RBFOX2: variants seen among roughly 807,000 people sequenced by gnomAD.
The protein encoded by RBFOX2 is RNA binding fox-1 homolog 2.
In RBFOX2, 10 loss-of-function variants were observed where a neutral mutation model predicts 49.1. The ratio of observed to expected loss-of-function variants is 0.20; its 90% CI spans 0.13 to 0.35. The LOEUF is 0.35. RBFOX2 is among the 10% of genes least tolerant of loss of function. The pLI, the probability that RBFOX2 is intolerant of heterozygous loss-of-function variation, is 1.00. For missense variants in RBFOX2, 323 were observed against 486.9 expected, an observed-to-expected ratio of 0.66 and a Z score of 3.17; for synonymous variants, 183 against 187.4, an observed-to-expected ratio of 0.98 and a Z score of 0.19.
chr22:36,021,384 C>T (rs1217944873), intron 1 of RBFOX2, among the ~76,000 whole-genome samples: 3 of 151,930 alleles, frequency 2.0e-5, no homozygotes, highest in African/African-American at 7.2e-5. Flanking sequence ...TACCCTAGAA[C>T]TTGAAGTATA....
chr22:35,983,688 T>A (rs770058090), intron 1 of RBFOX2, among the ~76,000 whole-genome samples: 2 of 152,192 alleles, frequency 1.3e-5, no homozygotes, highest in Non-Finnish European at 2.9e-5. Flanking sequence ...CTGTATCTAA[T>A]TTGTCTCCAG....
At chr22:35,951,283 T>G (rs2054903445) in intron 1 of RBFOX2, among the ~76,000 whole-genome samples, 1 of 131,952 alleles carries the variant, frequency 7.6e-6, no homozygotes, top group African/African-American at 3.0e-5. Flanking sequence ...GTTTTGCTCG[T>G]TGCCCAGGCT....
intron 1 of RBFOX2, among the ~76,000 whole-genome samples, chr22:35,919,766 A>C (rs1458925466): frequency 6.6e-6 from 1 of 152,204 alleles, no homozygotes; most frequent in African/African-American, 2.4e-5. Flanking sequence ...AATTTTAATG[A>C]GGGAACTTTG....
At chr22:35,893,403 C>G (rs578044856) in intron 1 of RBFOX2, among the ~76,000 whole-genome samples, 4 of 152,292 alleles carry the variant, frequency 2.6e-5, no homozygotes, top group African/African-American at 9.6e-5. Context: ...CTGCTTTCAT[C>G]AAACATAAGT....
intron 9 of RBFOX2, among the ~76,000 whole-genome samples, chr22:35,755,314 A>G (rs908274362): frequency 2.6e-5 from 4 of 152,236 alleles, no homozygotes; most frequent in African/African-American, 4.8e-5. Context: ...TTTGTCAATT[A>G]TATCACTTTG....
intron 9 of RBFOX2, among the ~76,000 whole-genome samples, chr22:35,758,629 G>C (rs942886416): frequency 7.2e-5 from 11 of 152,160 alleles, no homozygotes; most frequent in Non-Finnish European, 1.6e-4. Flanking sequence ...ATAAAAGTAA[G>C]TAATGGCATA....
chr22:35,869,898 T>C (rs1430143885), intron 1 of RBFOX2, among the ~76,000 whole-genome samples: 1 of 152,248 alleles, frequency 6.6e-6, no homozygotes, highest in Non-Finnish European at 1.5e-5. Flanking sequence ...GAAACTTTCA[T>C]CAACCCAGAA....
chr22:35,815,000 G>C (rs1952742509), intron 1 of RBFOX2, among the ~76,000 whole-genome samples: 1 of 152,096 alleles, frequency 6.6e-6, no homozygotes, highest in Admixed American at 6.5e-5. Context: ...CGTGGCTATG[G>C]ACAGACAACT....
chr22:35,758,713 C>G (rs900948453), intron 9 of RBFOX2, among the ~76,000 whole-genome samples: 5 of 152,146 alleles, frequency 3.3e-5, no homozygotes, highest in Non-Finnish European at 4.4e-5. Flanking sequence ...TGAAGCAGTT[C>G]CCTTCCAGTG....
At chr22:35,880,278 G>GT (rs1000405727) in intron 1 of RBFOX2, among the ~76,000 whole-genome samples, 23 of 151,944 alleles carry the variant, frequency 1.5e-4, no homozygotes, top group African/African-American at 2.2e-4. Flanking sequence ...GATGACTAAG[G>GT]TTTTTTTTAG....
intron 1 of RBFOX2, among the ~76,000 whole-genome samples, chr22:35,899,185 AAAAAT>A (rs1046658584): frequency 2.0e-5 from 3 of 151,744 alleles, no homozygotes; most frequent in South Asian, 2.1e-4. Flanking sequence ...AACAAACATA[AAAAAT>A]AAAATAAAAT....
chr22:35,819,100 C>T (rs1043670477), intron 1 of RBFOX2, among the ~76,000 whole-genome samples: 1 of 152,150 alleles, frequency 6.6e-6, no homozygotes, highest in Non-Finnish European at 1.5e-5. Context: ...GAATCATAAA[C>T]GTCTTCATCA....
intron 1 of RBFOX2, among the ~76,000 whole-genome samples, chr22:35,984,906 C>T: frequency 6.6e-6 from 1 of 152,158 alleles, no homozygotes; most frequent in Admixed American, 6.6e-5. Flanking sequence ...CGAGAATTCA[C>T]TAAGTGACAG....
chr22:35,984,426 G>A lies in RBFOX2; in HGVS notation c.186+43814C>T, dbSNP rs547093061. ...GTTGTTCTGGACTTGCAAAATATTA[G>A]ACTGCTTTGCACAAGGCAGAGTGTG... On this transcript the variant is annotated intron_variant, in intron 1 of 13. Transcript: ENST00000438146. 3.9e-5 allele frequency among the ~76,000 whole-genome samples: 6 copies of A among 152,246 alleles called. 1 individual carries two copies. The South Asian group carries it at 1.2e-3, about 32-fold the overall frequency.
At position 35,927,648 on chromosome 22, in the gene RBFOX2, G is replaced by A. The variant is rs951190502; in HGVS notation, c.-34+11199C>T. Among the ~76,000 whole-genome samples the A allele has an allele frequency of 2.6e-5, 4 of 151,040 alleles. No homozygotes were observed. The East Asian group carries it at 7.7e-4, about 29-fold the overall frequency. On this transcript the variant is annotated intron_variant, in intron 1 of 13. Coordinates refer to the RBFOX2 transcript ENST00000359369. ...AAAAGCAGAAGAAATATGTTACTAG[G>A]GTAGTAATGAGAAACAGAGCTGGAA...
Position 35,795,417 on chromosome 22 carries a change from C to A in RBFOX2, c.253-13671G>T, listed in dbSNP as rs372769096. On this transcript the variant is annotated intron_variant, in intron 2 of 11. Coordinates refer to ENST00000405409, the Ensembl canonical transcript of RBFOX2. ...ACATAGTATGATAGACTGTGGCCCCCCTTCTTCCCATTATGTTCTAGAAAT... is the reference window on the plus strand; with the variant it reads ...ACATAGTATGATAGACTGTGGCCCCACTTCTTCCCATTATGTTCTAGAAAT... 2.5e-4 allele frequency among the ~76,000 whole-genome samples: 38 copies of A among 152,110 alleles called. No individual in the cohort carries two copies. The East Asian group carries it at 3.5e-3, about 14-fold the overall frequency.
intron 2 of RBFOX2, among the ~76,000 whole-genome samples, chr22:35,790,789 G>C (rs1449008347): frequency 6.6e-6 from 1 of 152,040 alleles, no homozygotes; most frequent in Non-Finnish European, 1.5e-5. Context: ...CAGCACTCTA[G>C]GAGGCCCAGG....
chr22:35,944,990 T>C lies in RBFOX2; in HGVS notation c.43-6093A>G, dbSNP rs368372755. Among the ~76,000 whole-genome samples the C allele has an allele frequency of 1.5e-4, 23 of 152,268 alleles. No homozygotes were observed. The South Asian group carries it at 4.4e-3, about 29-fold the overall frequency. ...AAACAAATCCACAAAACCATCCCAC[T>C]GCCTTTCTTCTGTGTCTAACAAAAT... On this transcript the variant is annotated intron_variant, in intron 1 of 5. Transcript: ENST00000408983.
intron 1 of RBFOX2, among the ~76,000 whole-genome samples, chr22:35,831,440 A>T (rs897927589): frequency 1.2e-4 from 18 of 152,332 alleles, no homozygotes; most frequent in South Asian, 2.1e-4. Flanking sequence ...CTCAAAAAAA[A>T]AATAATAATA....
Sources: allele counts gnomAD v4.1 joint callset (sites outside exome capture counted in the v4.1 genomes callset), GRCh38; gene constraint gnomAD v4.1.1; transcripts MANE v1.5; gene names NCBI Gene and HGNC (gene_info 2026-07-23, HGNC 2026-07-21).